SLC39A11: variants seen among roughly 807,000 people sequenced by gnomAD.
SLC39A11 encodes zinc transporter ZIP11.
In SLC39A11, 33 loss-of-function variants were observed where a neutral mutation model predicts 36.1. The observed-to-expected ratio is 0.91, with a 90% confidence interval of 0.69 to 1.22. SLC39A11 has a LOEUF of 1.22. Ranked by LOEUF, SLC39A11 falls within the 50% of genes most tolerant of loss-of-function variation. The probability of loss-of-function intolerance (pLI) is 0.00; values close to 1 mark genes in which losing one functional copy is unlikely to be tolerated. For synonymous variants in SLC39A11, 166 were observed against 170.3 expected (o/e 0.97, Z 0.20); for missense variants, 432 against 430.3 (o/e 1.00, Z -0.03).
At chr17:72,696,533 A>G (rs1345423254) in intron 7 of SLC39A11, among the ~76,000 whole-genome samples, 1 of 152,022 alleles carries the variant, frequency 6.6e-6, no homozygotes, top group Non-Finnish European at 1.5e-5. Flanking sequence ...GACTCTCCTC[A>G]CCATTCCCAT....
intron 6 of SLC39A11, among the ~76,000 whole-genome samples, chr17:72,781,842 A>G (rs1041131185): frequency 6.6e-6 from 1 of 151,980 alleles, no homozygotes; most frequent in Non-Finnish European, 1.5e-5. Context: ...GACTCTCGGT[A>G]CATTTCATCC....
intron 4 of SLC39A11, among the ~76,000 whole-genome samples, chr17:72,959,728 T>A (rs1180628667): frequency 2.0e-5 from 3 of 152,086 alleles, no homozygotes; most frequent in South Asian, 2.1e-4. Context: ...AAAATTTTTT[T>A]AAATATATAC....
chr17:72,659,497 C>A (rs1357181560), intron 7 of SLC39A11, among the ~76,000 whole-genome samples: 3 of 151,816 alleles, frequency 2.0e-5, no homozygotes, highest in Non-Finnish European at 4.4e-5. Context: ...TTCTCCAAGT[C>A]CAAGCCAACA....
At chr17:72,850,064 C>A (rs754132390) in intron 5 of SLC39A11, among the ~76,000 whole-genome samples, 2 of 152,114 alleles carry the variant, frequency 1.3e-5, no homozygotes, top group Non-Finnish European at 2.9e-5. Flanking sequence ...AAAGGACCCA[C>A]GTCACAATTG....
intron 4 of SLC39A11, among the ~76,000 whole-genome samples, chr17:72,962,539 C>T (rs1018051439): frequency 9.9e-5 from 15 of 151,926 alleles, no homozygotes; most frequent in Non-Finnish European, 2.1e-4. Flanking sequence ...GGGTTTTTTG[C>T]TAATTTTTTT....
At chr17:72,924,161 A>ATTT (rs1292987317) in intron 5 of SLC39A11, among the ~76,000 whole-genome samples, 1 of 113,716 alleles carries the variant, frequency 8.8e-6, no homozygotes, top group Non-Finnish European at 1.9e-5. Flanking sequence ...AAAAAAAAAA[A>ATTT]ATTTTTTTTT....
chr17:72,823,353 C>T (rs2077877215), intron 6 of SLC39A11, among the ~76,000 whole-genome samples: 1 of 151,128 alleles, frequency 6.6e-6, no homozygotes, highest in South Asian at 2.1e-4. Flanking sequence ...GTCTCAGTAG[C>T]CTGTATCTTC....
intron 5 of SLC39A11, among the ~76,000 whole-genome samples, chr17:72,923,466 G>A (rs2083824717): frequency 6.6e-6 from 1 of 152,180 alleles, no homozygotes; most frequent in Middle Eastern, 3.2e-3. Context: ...TACCAGAAGT[G>A]GGATATGCCA....
chr17:72,843,028 C>A (rs1395449119), intron 6 of SLC39A11, among the ~76,000 whole-genome samples: 1 of 152,176 alleles, frequency 6.6e-6, no homozygotes, highest in African/African-American at 2.4e-5. Context: ...CGGCTCACTG[C>A]AACCTCTGCC....
intron 6 of SLC39A11, among the ~76,000 whole-genome samples, chr17:72,742,450 T>C (rs1270533695): frequency 1.3e-5 from 2 of 152,166 alleles, no homozygotes; most frequent in African/African-American, 4.8e-5. Flanking sequence ...TTTACAAGCC[T>C]GCTGTTCTCA....
At chr17:72,709,637 A>G (rs141764132) in intron 7 of SLC39A11, among the ~76,000 whole-genome samples, 2 of 152,334 alleles carry the variant, frequency 1.3e-5, no homozygotes, top group African/African-American at 4.8e-5. Context: ...TGTGCACGTA[A>G]GTGTATGAGA....
intron 4 of SLC39A11, among the ~76,000 whole-genome samples, chr17:72,991,912 C>T (rs1411637927): frequency 5.3e-5 from 8 of 152,212 alleles, no homozygotes; most frequent in South Asian, 2.1e-4. Flanking sequence ...CAGATATTAA[C>T]AAATTACTCA....
intron 7 of SLC39A11, among the ~76,000 whole-genome samples, chr17:72,662,715 GAAGA>G (rs976982620): frequency 4.0e-5 from 5 of 124,428 alleles, no homozygotes; most frequent in South Asian, 5.1e-4. Flanking sequence ...GGAAGAAAGA[GAAGA>G]AAGAGAGAGA....
At chr17:72,824,482 C>CATTACTAT (rs1567772754) in intron 6 of SLC39A11, among the ~76,000 whole-genome samples, 1 of 151,246 alleles carries the variant, frequency 6.6e-6, no homozygotes, top group African/African-American at 2.4e-5. Flanking sequence ...GGAGTGGGGA[C>CATTACTAT]ATTACTATAA....
At chr17:72,916,535 C>A (rs1322310467) in intron 5 of SLC39A11, among the ~76,000 whole-genome samples, 3 of 152,138 alleles carry the variant, frequency 2.0e-5, no homozygotes, top group African/African-American at 7.2e-5. Context: ...ACTGCTGCCA[C>A]TTTTCCAGGA....
intron 3 of SLC39A11, among the ~76,000 whole-genome samples, chr17:73,063,237 T>A (rs2059900804): frequency 6.6e-6 from 1 of 152,188 alleles, no homozygotes; most frequent in Admixed American, 6.5e-5. Flanking sequence ...GGTAACTGAA[T>A]CAATTGGATT....
At chr17:72,871,805 T>C (rs1030239026) in intron 5 of SLC39A11, among the ~76,000 whole-genome samples, 3 of 152,180 alleles carry the variant, frequency 2.0e-5, no homozygotes, top group African/African-American at 7.2e-5. Context: ...ATGATCAAAC[T>C]TGAGGAGGGG....
intron 6 of SLC39A11, among the ~76,000 whole-genome samples, chr17:72,745,839 T>A (rs1403119383): frequency 6.6e-6 from 1 of 152,114 alleles, no homozygotes; most frequent in Non-Finnish European, 1.5e-5. Flanking sequence ...AGTATTTAAA[T>A]TAAGATAAGC....
At chr17:72,975,717 G>A (rs1006597525) in intron 4 of SLC39A11, among the ~76,000 whole-genome samples, 1 of 152,226 alleles carries the variant, frequency 6.6e-6, no homozygotes, top group African/African-American at 2.4e-5. Context: ...TTCAGCTGCT[G>A]TAACAAAGAT....
Sources: gnomAD v4.1 joint callset for allele counts (sites outside exome capture counted in the v4.1 genomes callset) on GRCh38, gnomAD v4.1.1 for gene constraint, MANE v1.5 for transcripts, NCBI Gene and HGNC (gene_info 2026-07-23, HGNC 2026-07-21) for gene names.